XDH: variants seen among roughly 807,000 people sequenced by gnomAD.
XDH encodes xanthine dehydrogenase, also known as xanthine dehydrogenase/oxidase.
A neutral mutation model predicts 156.1 loss-of-function variants in XDH; 138 were observed. The ratio of observed to expected loss-of-function variants is 0.88; its 90% CI spans 0.77 to 1.02. The LOEUF (loss-of-function observed/expected upper bound fraction) is 1.02. Among genes scored for constraint, XDH ranks in the 50% least tolerant of loss-of-function variants. The pLI is 0.00. For synonymous variants in XDH, 669 were observed against 625.7 expected, an observed-to-expected ratio of 1.07 and a Z score of -1.03; for missense variants, 1,849 against 1,684.9, an observed-to-expected ratio of 1.10 and a Z score of -1.71.
chr2:31,345,023 A>G (rs1176653456), intron 30 of XDH, among the ~76,000 whole-genome samples: 1 of 152,088 alleles, frequency 6.6e-6, no homozygotes, highest in African/African-American at 2.4e-5. Flanking sequence ...TGTGCATGTC[A>G]CTACCCTACT....
chr2:31,341,272 G>A, intron 33 of XDH, 57 bp downstream of exon 33: 2 of 1,507,284 alleles, frequency 1.3e-6, no homozygotes, highest in South Asian at 1.2e-5. Context: ...CCCCAGGAGG[G>A]GAATGGGGTG....
At chr2:31,380,125 CCT>C in intron 12 of XDH, 149 bp from the exon 13 acceptor site, 2 of 772,048 alleles carry the variant, frequency 2.6e-6, no homozygotes, top group Non-Finnish European at 4.5e-6. Context: ...GGGGCCAAAT[CCT>C]CTCTCTGAAA....
chr2:31,398,311 C>T (rs1686965327), intron 5 of XDH, among the ~76,000 whole-genome samples: 1 of 152,164 alleles, frequency 6.6e-6, no homozygotes, highest in African/African-American at 2.4e-5. Context: ...AACCCCACTC[C>T]AATACTGGTG....
intron 24 of XDH, among the ~76,000 whole-genome samples, chr2:31,363,440 TAATG>T (rs2148765522): frequency 6.6e-6 from 1 of 152,362 alleles, no homozygotes; most frequent in East Asian, 1.9e-4. Context: ...GAAAGTAGAT[TAATG>T]ATGACCTGGG....
At chr2:31,410,188 A>G (rs980747012) in intron 1 of XDH, among the ~76,000 whole-genome samples, 2 of 152,186 alleles carry the variant, frequency 1.3e-5, no homozygotes, top group African/African-American at 4.8e-5. Flanking sequence ...TCATAGAGAC[A>G]GAAAAAATGA....
chr2:31,397,848 C>T, intron 5 of XDH, 119 bp from the exon 6 acceptor site: 1 of 1,176,750 alleles, frequency 8.5e-7, no homozygotes. Context: ...ATTCTGTTAC[C>T]TCTGTCTGGA....
chr2:31,353,715 C>T lies in XDH; in HGVS notation c.2632-3492G>A, dbSNP rs549015951. On this transcript the variant is annotated intron_variant, in intron 24 of 35. Transcript: ENST00000379416. ...CCAAGAAAAGGGCAGTCTAGCAAAACTAAACACTTTTAGACAATAAGTACC... is the reference window on the plus strand; with the variant it reads ...CCAAGAAAAGGGCAGTCTAGCAAAATTAAACACTTTTAGACAATAAGTACC... Among the ~76,000 whole-genome samples, 6 of 152,302 alleles carry T rather than the reference C, an allele frequency of 3.9e-5. No individual in the cohort carries two copies. In the East Asian group the frequency reaches 9.6e-4, roughly 24 times the overall value.
rs879351326 is a variant in XDH, at chr2:31,392,352, C to CT, written c.496-4058dup. Among the ~76,000 whole-genome samples the CT allele has an allele frequency of 9.7e-4, 145 of 149,726 alleles. 1 individual carries two copies. The highest frequency in any genetic ancestry group is 3.4e-3 in the Middle Eastern group (1 of 292). On this transcript the variant is annotated intron_variant, in intron 6 of 35. Coordinates refer to ENST00000379416, the MANE Select transcript of XDH (RefSeq NM_000379.4). ...TCAGCTTACTTTGAATTTAATTTGC[C>CT]TTTTTTTTTCTAGTTTTCTAAAGTG...
At chr2:31,404,600 A>G (rs1339128731) in intron 2 of XDH, among the ~76,000 whole-genome samples, 1 of 152,248 alleles carries the variant, frequency 6.6e-6, no homozygotes, top group East Asian at 1.9e-4. Flanking sequence ...TGATTAAAAA[A>G]TTAAAATTTG....
intron 6 of XDH, among the ~76,000 whole-genome samples, chr2:31,393,983 C>T (rs1304905240): frequency 6.6e-6 from 1 of 152,012 alleles, no homozygotes; most frequent in East Asian, 1.9e-4. Flanking sequence ...TACTTATACA[C>T]AAGCACATAT....
At position 31,378,123 on chromosome 2, in the gene XDH, G is replaced by GAAAGAAAGAAAGAAA. The variant is rs1558696709; in HGVS notation, c.1243-887_1243-886insTTTCTTTCTTTCTTT. 9.0e-4 allele frequency among the ~76,000 whole-genome samples: 36 copies of GAAAGAAAGAAAGAAA among 39,966 alleles called. 2 individuals are homozygous for GAAAGAAAGAAAGAAA. Among genetic ancestry groups the GAAAGAAAGAAAGAAA allele is most frequent in the African/African-American group, 3.1e-3 (32 of 10,420 alleles). 26.2% of individuals were successfully genotyped at this position (39,966 alleles called of 152,430 possible). ...GAAAGAAAGAAAGGAAGGAAGGAAG[G>GAAAGAAAGAAAGAAA]AAGGAAGGAAGGAAGGAAGGAAGGA... On this transcript the variant is annotated intron_variant, in intron 13 of 35. Transcript: ENST00000379416.
chr2:31,399,363 C>T (rs1165506867), intron 4 of XDH, among the ~76,000 whole-genome samples: 1 of 152,000 alleles, frequency 6.6e-6, no homozygotes, highest in Non-Finnish European at 1.5e-5. Flanking sequence ...GGCACTGCAG[C>T]AATTAGAGAC....
chr2:31,388,092 C>G (rs1686663029), intron 7 of XDH, 135 bp downstream of exon 7: 1 of 1,112,246 alleles, frequency 9.0e-7, no homozygotes. Flanking sequence ...CCATCACCAT[C>G]CCCACAGTCT....
Position 31,334,756 on chromosome 2 carries a change from T to C in XDH, c.*1202A>G, listed in dbSNP as rs143379767. 3 of 152,254 alleles carry C rather than the reference T, an allele frequency of 2.0e-5. No homozygotes were observed. Among genetic ancestry groups the C allele is most frequent in the East Asian group, 1.9e-4 (1 of 5,184 alleles). 9.4% of individuals were successfully genotyped at this position (152,254 alleles called of 1,614,324 possible). ...GTAAAATGGATCACAGGAAGGGGAA[T>C]TGACAGTCCAAGATCACAAAGATAG... On this transcript the variant is annotated 3_prime_UTR_variant, in exon 36 of 36. Transcript: ENST00000379416.
chr2:31,412,169 T>G (rs1687359247), intron 1 of XDH, among the ~76,000 whole-genome samples: 1 of 151,962 alleles, frequency 6.6e-6, no homozygotes, highest in Non-Finnish European at 1.5e-5. Context: ...GTCATTACAA[T>G]AAAAATAAAA....
At position 31,367,894 on chromosome 2, in the gene XDH, A is replaced by T. The variant is rs1000164267; in HGVS notation, c.2197+67T>A. The T allele has an allele frequency of 1.7e-5, 25 of 1,447,656 alleles. No individual in the cohort carries two copies. The African/African-American group carries it at 3.2e-4, about 19-fold the overall frequency. The allele number at this position is 1,447,656 out of a possible 1,614,324, so 89.7% of individuals were successfully genotyped here. On this transcript the variant is annotated intron_variant, in intron 20 of 35. Transcript: ENST00000379416. ...ACTTCCCTGCTTCAGGGTTCAATGC[A>T]TATCTCTTGAATTTAATTTGCAAAC...
chr2:31,373,918 A>G lies in XDH; in HGVS notation c.1641T>C (p.Thr547=), dbSNP rs753940200. Residue 547 remains threonine (T), a synonymous_variant, in exon 16 of 36, where the codon ACT becomes ACC. Transcript: ENST00000379416. The part of the protein sequence containing the change: ...GKLDPTFASA[T]LLFQKDPPAD... The stretch of plus-strand genomic sequence containing the variant: ...CTGGGGGGTCTTTCTGAAACAGTAA[A>G]GTTGCACTGGCGAAAGTGGGGTCCA... 1 of 1,614,038 alleles carries G rather than the reference A, an allele frequency of 6.2e-7. No homozygotes were observed.
intron 20 of XDH, among the ~76,000 whole-genome samples, chr2:31,367,615 T>C (rs1442549224): frequency 6.6e-6 from 1 of 152,058 alleles, no homozygotes; most frequent in Non-Finnish European, 1.5e-5. Flanking sequence ...AAGGACTGCC[T>C]TCAGGTAGGG....
At chr2:31,343,033 A>C (rs1685166563) in intron 31 of XDH, among the ~76,000 whole-genome samples, 1 of 152,028 alleles carries the variant, frequency 6.6e-6, no homozygotes, top group Admixed American at 6.6e-5. Flanking sequence ...ACACAGGAAT[A>C]ACATGAGCTG....
Sources: gnomAD v4.1 joint callset for allele counts (sites outside exome capture counted in the v4.1 genomes callset) on GRCh38, gnomAD v4.1.1 for gene constraint, MANE v1.5 for transcripts, NCBI Gene and HGNC (gene_info 2026-07-23, HGNC 2026-07-21) for gene names.